The following ST8SIA1 variants were observed in gnomAD, a reference collection of about 807,000 sequenced individuals.
The protein encoded by ST8SIA1 is ST8 alpha-N-acetyl-neuraminide alpha-2,8-sialyltransferase 1.
ST8SIA1 carries 16 observed loss-of-function variants against 35.9 expected under a neutral mutation model. The observed-to-expected ratio is 0.45, with a 90% CI of 0.30 to 0.68. ST8SIA1 has a LOEUF of 0.68. Among genes scored for constraint, ST8SIA1 ranks in the 30% least tolerant of loss-of-function variants. The pLI, the probability that ST8SIA1 is intolerant of heterozygous loss-of-function variation, is 0.09. For missense variants in ST8SIA1, 383 were observed against 453.6 expected (o/e 0.84, Z 1.41); for synonymous variants, 170 against 169.6 (o/e 1.00, Z -0.02).
intron 2 of ST8SIA1, among the ~76,000 whole-genome samples, chr12:22,276,860 A>G (rs1353260960): frequency 1.3e-5 from 2 of 152,136 alleles, no homozygotes; most frequent in Non-Finnish European, 2.9e-5. Flanking sequence ...AATGGAAAAA[A>G]AAAAGGCCAC....
intron 4 of ST8SIA1, among the ~76,000 whole-genome samples, chr12:22,214,958 A>G (rs1366513686): frequency 6.6e-6 from 1 of 152,160 alleles, no homozygotes; most frequent in Non-Finnish European, 1.5e-5. Flanking sequence ...TCAGCCTGAC[A>G]CTTGATTCTA....
intron 2 of ST8SIA1, among the ~76,000 whole-genome samples, chr12:22,282,541 C>T (rs577998726): frequency 2.0e-5 from 3 of 152,228 alleles, no homozygotes; most frequent in South Asian, 4.2e-4. Flanking sequence ...GATCCTGAAC[C>T]GAAACTGCGA....
intron 1 of ST8SIA1, among the ~76,000 whole-genome samples, chr12:22,291,082 A>G (rs1866169424): frequency 6.6e-6 from 1 of 152,204 alleles, no homozygotes; most frequent in South Asian, 2.1e-4. Context: ...CCTGGGAGCC[A>G]CTGGCTAGAA....
chr12:22,301,431 T>A (rs1565590790), intron 1 of ST8SIA1, among the ~76,000 whole-genome samples: 1 of 61,516 alleles, frequency 1.6e-5, no homozygotes, highest in South Asian at 4.4e-4. Context: ...AAAGGAAACT[T>A]TTTTTTTGAG....
At chr12:22,265,064 GC>G (rs1865831270) in intron 2 of ST8SIA1, among the ~76,000 whole-genome samples, 1 of 152,200 alleles carries the variant, frequency 6.6e-6, no homozygotes, top group African/African-American at 2.4e-5. Context: ...CAGTTCATGT[GC>G]CCATGCAGCA....
At chr12:22,246,337 G>A (rs185874399) in intron 4 of ST8SIA1, among the ~76,000 whole-genome samples, 8 of 152,314 alleles carry the variant, frequency 5.3e-5, no homozygotes, top group Admixed American at 2.6e-4. Flanking sequence ...AGTTTTCTAT[G>A]TTGATTATTC....
intron 1 of ST8SIA1, among the ~76,000 whole-genome samples, chr12:22,309,499 A>G (rs547618897): frequency 6.6e-6 from 1 of 152,192 alleles, no homozygotes; most frequent in African/African-American, 2.4e-5. Flanking sequence ...AGACCCAAGA[A>G]GGGGCATGAA....
At chr12:22,310,504 G>T (rs137910984) in intron 1 of ST8SIA1, among the ~76,000 whole-genome samples, 15 of 152,192 alleles carry the variant, frequency 9.9e-5, no homozygotes, top group Admixed American at 4.6e-4. Flanking sequence ...ACAGTAACTC[G>T]ATTGCCTAGA....
At chr12:22,293,768 T>C (rs940834736) in intron 1 of ST8SIA1, among the ~76,000 whole-genome samples, 2 of 152,226 alleles carry the variant, frequency 1.3e-5, no homozygotes, top group Non-Finnish European at 2.9e-5. Flanking sequence ...TTTTAATAGT[T>C]ACTCCTTCTA....
chr12:22,222,236 G>T (rs1266575924), intron 4 of ST8SIA1, among the ~76,000 whole-genome samples: 3 of 152,128 alleles, frequency 2.0e-5, no homozygotes, highest in African/African-American at 4.8e-5. Flanking sequence ...ATGAGGTAGG[G>T]CAGTCAAATC....
intron 4 of ST8SIA1, among the ~76,000 whole-genome samples, chr12:22,230,647 G>A (rs1049896388): frequency 1.3e-5 from 2 of 152,122 alleles, no homozygotes; most frequent in African/African-American, 4.8e-5. Context: ...AAACCACAGA[G>A]AGAAGTAAAA....
intron 1 of ST8SIA1, among the ~76,000 whole-genome samples, chr12:22,316,300 C>T (rs1866519213): frequency 6.6e-6 from 1 of 152,028 alleles, no homozygotes; most frequent in South Asian, 2.1e-4. Context: ...TAGAAAAGAA[C>T]AAGTGAGACA....
chr12:22,223,695 G>C (rs1163057416), intron 4 of ST8SIA1: 1 of 1,229,478 alleles, frequency 8.1e-7, no homozygotes, highest in South Asian at 1.4e-5. Flanking sequence ...GAGACGTTCT[G>C]TCATTTGGCT....
At chr12:22,211,609 A>G (rs1865176851) in intron 4 of ST8SIA1, among the ~76,000 whole-genome samples, 1 of 152,200 alleles carries the variant, frequency 6.6e-6, no homozygotes, top group Non-Finnish European at 1.5e-5. Flanking sequence ...GAAGGTGAAT[A>G]TATGTATGTT....
chr12:22,284,716 T>G (rs1471994340), intron 2 of ST8SIA1, among the ~76,000 whole-genome samples: 4 of 152,228 alleles, frequency 2.6e-5, no homozygotes, highest in Admixed American at 6.5e-5. Flanking sequence ...ATTCTTCCTT[T>G]ATTATTCAAG....
At chr12:22,244,964 A>T (rs964528146) in intron 4 of ST8SIA1, among the ~76,000 whole-genome samples, 5 of 152,128 alleles carry the variant, frequency 3.3e-5, no homozygotes, top group African/African-American at 1.2e-4. Flanking sequence ...ATGTGGAAAT[A>T]TTTGGGAGTA....
At chr12:22,275,836 A>G (rs543494584) in intron 2 of ST8SIA1, among the ~76,000 whole-genome samples, 2 of 152,318 alleles carry the variant, frequency 1.3e-5, no homozygotes, top group Non-Finnish European at 2.9e-5. Flanking sequence ...TTGGATTCCC[A>G]CTACTCTCAG....
At chr12:22,204,627 T>A (rs181810600) in intron 4 of ST8SIA1, among the ~76,000 whole-genome samples, 1 of 152,312 alleles carries the variant, frequency 6.6e-6, no homozygotes, top group East Asian at 1.9e-4. Flanking sequence ...TGATTTTGTG[T>A]TTCCTGTCTT....
At chr12:22,257,198 G>A in intron 2 of ST8SIA1, among the ~76,000 whole-genome samples, 1 of 151,844 alleles carries the variant, frequency 6.6e-6, no homozygotes, top group East Asian at 1.9e-4. Flanking sequence ...CTTTCAGAGA[G>A]GAACTGCAAT....
Sources: allele counts gnomAD v4.1 joint callset (sites outside exome capture counted in the v4.1 genomes callset), GRCh38; gene constraint gnomAD v4.1.1; transcripts MANE v1.5; gene names NCBI Gene and HGNC (gene_info 2026-07-23, HGNC 2026-07-21).